UNC5D: variants seen among roughly 807,000 people sequenced by gnomAD.
UNC5D encodes unc-5 netrin receptor D, also known as netrin receptor UNC5D.
A neutral mutation model predicts 105.4 loss-of-function variants in UNC5D; 39 were observed. The ratio of observed to expected loss-of-function variants is 0.37; its 90% CI spans 0.29 to 0.48. The LOEUF (loss-of-function observed/expected upper bound fraction) is 0.48. UNC5D is among the 20% of genes least tolerant of loss of function. UNC5D has a pLI of 0.98. For synonymous variants in UNC5D, 452 were observed against 450.4 expected, an observed-to-expected ratio of 1.00 and a Z score of -0.04; for missense variants, 991 against 1,202.4, an observed-to-expected ratio of 0.82 and a Z score of 2.60.
intron 2 of UNC5D, among the ~76,000 whole-genome samples, chr8:35,556,448 G>A (rs750929182): frequency 3.3e-5 from 5 of 152,138 alleles, no homozygotes; most frequent in Non-Finnish European, 7.3e-5. Context: ...CAGACCCCAA[G>A]AGAGGGTTCT....
At chr8:35,495,002 A>G (rs1811453384) in intron 1 of UNC5D, among the ~76,000 whole-genome samples, 1 of 152,070 alleles carries the variant, frequency 6.6e-6, no homozygotes, top group African/African-American at 2.4e-5. Flanking sequence ...GGGTAAAGGA[A>G]TGGTACTCAG....
intron 1 of UNC5D, among the ~76,000 whole-genome samples, chr8:35,468,548 A>C (rs918130156): frequency 6.6e-6 from 1 of 152,090 alleles, no homozygotes; most frequent in Non-Finnish European, 1.5e-5. Context: ...TGATTTCCCT[A>C]AGTTGGTAGT....
intron 1 of UNC5D, among the ~76,000 whole-genome samples, chr8:35,364,942 A>G (rs191782229): frequency 0.011 from 1,624 of 152,324 alleles, 10 homozygotes; most frequent in Non-Finnish European, 0.017. Context: ...TTTCATCTTC[A>G]TAGAGTCAAT....
chr8:35,748,510 T>G lies in UNC5D; in HGVS notation c.1767-17T>G, dbSNP rs1453202333. 2 of 1,607,062 alleles carry G rather than the reference T, an allele frequency of 1.2e-6. No individual in the cohort carries two copies. Among genetic ancestry groups the G allele is most frequent in the South Asian group, 1.1e-5 (1 of 89,836 alleles). ...CTCTACATACTTCTCTCTTCTATCC[T>G]TTTTTCAACTGTGAAGCCTCCAGTC... On this transcript the variant is annotated splice_polypyrimidine_tract_variant and intron_variant, in intron 11 of 16. Coordinates refer to ENST00000404895, the MANE Select transcript of UNC5D (RefSeq NM_080872.4).
At chr8:35,436,983 C>T (rs1449409534) in intron 1 of UNC5D, among the ~76,000 whole-genome samples, 1 of 151,852 alleles carries the variant, frequency 6.6e-6, no homozygotes, top group Non-Finnish European at 1.5e-5. Context: ...TCATTTACTA[C>T]ACAGGAACTT....
intron 16 of UNC5D, among the ~76,000 whole-genome samples, chr8:35,781,614 A>C (rs1802506239): frequency 6.6e-6 from 1 of 152,222 alleles, no homozygotes; most frequent in Admixed American, 6.5e-5. Context: ...ATGTTTACAT[A>C]ATTTGAGACT....
chr8:35,266,089 C>A (rs1261432441), intron 1 of UNC5D, among the ~76,000 whole-genome samples: 3 of 152,056 alleles, frequency 2.0e-5, no homozygotes, highest in Non-Finnish European at 2.9e-5. Flanking sequence ...GCCTCCAGAA[C>A]ATTAGGGCAA....
intron 1 of UNC5D, among the ~76,000 whole-genome samples, chr8:35,314,451 T>C (rs1809129735): frequency 6.6e-6 from 1 of 152,098 alleles, no homozygotes; most frequent in South Asian, 2.1e-4. Flanking sequence ...AACATCCATA[T>C]CATGTAAGAG....
intron 1 of UNC5D, among the ~76,000 whole-genome samples, chr8:35,275,337 A>G (rs1237455754): frequency 6.6e-6 from 1 of 151,850 alleles, no homozygotes; most frequent in Non-Finnish European, 1.5e-5. Context: ...AGATATCACC[A>G]TCTGTTATAA....
At chr8:35,490,182 G>T (rs1811112102) in intron 1 of UNC5D, among the ~76,000 whole-genome samples, 1 of 152,100 alleles carries the variant, frequency 6.6e-6, no homozygotes. Flanking sequence ...AAAAACAAAA[G>T]TACAGAAATG....
At chr8:35,777,209 G>T (rs971566761) in intron 16 of UNC5D, among the ~76,000 whole-genome samples, 1 of 152,166 alleles carries the variant, frequency 6.6e-6, no homozygotes, top group African/African-American at 2.4e-5. Context: ...AGCCGAGATC[G>T]CATCACTGCG....
At chr8:35,702,756 T>G (rs1035853255) in intron 7 of UNC5D, among the ~76,000 whole-genome samples, 3 of 152,178 alleles carry the variant, frequency 2.0e-5, no homozygotes, top group Non-Finnish European at 4.4e-5. Context: ...CCTGTCAAGG[T>G]ACTGTTGTTT....
At chr8:35,240,845 T>A (rs917569071) in intron 1 of UNC5D, among the ~76,000 whole-genome samples, 1 of 152,228 alleles carries the variant, frequency 6.6e-6, no homozygotes, top group Non-Finnish European at 1.5e-5. Flanking sequence ...TTGTGTTGTT[T>A]GAAAATAACC....
chr8:35,379,906 C>T (rs1041526214), intron 1 of UNC5D, among the ~76,000 whole-genome samples: 7 of 151,638 alleles, frequency 4.6e-5, no homozygotes, highest in Non-Finnish European at 7.4e-5. Context: ...TTTTATATAT[C>T]GTCTTAGGCA....
intron 1 of UNC5D, among the ~76,000 whole-genome samples, chr8:35,502,282 A>G (rs1812022427): frequency 6.6e-6 from 1 of 152,172 alleles, no homozygotes; most frequent in Non-Finnish European, 1.5e-5. Flanking sequence ...GGATGCCTAT[A>G]ACGTTTATCC....
chr8:35,448,755 C>T (rs931729909), intron 1 of UNC5D, among the ~76,000 whole-genome samples: 2 of 152,098 alleles, frequency 1.3e-5, no homozygotes, highest in Non-Finnish European at 2.9e-5. Flanking sequence ...TCATCTCTGA[C>T]CCCTCTCCCA....
At chr8:35,730,773 A>G (rs140235865) in intron 10 of UNC5D, among the ~76,000 whole-genome samples, 1 of 147,214 alleles carries the variant, frequency 6.8e-6, no homozygotes, top group East Asian at 1.9e-4. Context: ...ATGACTTAAA[A>G]TAAAAAAAAA....
At chr8:35,310,696 A>G (rs1244143003) in intron 1 of UNC5D, among the ~76,000 whole-genome samples, 5 of 152,086 alleles carry the variant, frequency 3.3e-5, no homozygotes, top group Non-Finnish European at 2.9e-5. Context: ...AGCACATTCT[A>G]GATAGTTTTT....
At chr8:35,629,570 T>C (rs1006606249) in intron 4 of UNC5D, among the ~76,000 whole-genome samples, 1 of 152,020 alleles carries the variant, frequency 6.6e-6, no homozygotes, top group African/African-American at 2.4e-5. Flanking sequence ...GAGGGAGTGT[T>C]GAAAAATAAT....
Sources: allele counts gnomAD v4.1 joint callset (sites outside exome capture counted in the v4.1 genomes callset), GRCh38; gene constraint gnomAD v4.1.1; transcripts MANE v1.5; gene names NCBI Gene and HGNC (gene_info 2026-07-23, HGNC 2026-07-21).